EML5: variants seen among roughly 807,000 people sequenced by gnomAD.
EML5 encodes echinoderm microtubule-associated protein-like 5.
Under a neutral mutation model 250.0 loss-of-function variants are expected in EML5, and 120 were observed. The ratio of observed to expected loss-of-function variants is 0.48; its 90% CI spans 0.41 to 0.56. The LOEUF is 0.56. Ranked by LOEUF, EML5 falls within the 20% of genes least tolerant of loss-of-function variation. The pLI, the probability that EML5 is intolerant of heterozygous loss-of-function variation, is 0.00. For missense variants in EML5, 2,006 were observed against 2,437.6 expected (o/e 0.82, Z 3.73); for synonymous variants, 771 against 806.5 (o/e 0.96, Z 0.75).
chr14:88,630,032 T>G (rs2090345066), intron 33 of EML5, among the ~76,000 whole-genome samples: 1 of 145,154 alleles, frequency 6.9e-6, no homozygotes, highest in South Asian at 2.3e-4. Flanking sequence ...TATTTTTTTT[T>G]TTTTTTTTTT....
At chr14:88,680,281 C>T (rs1287215510) in intron 21 of EML5, among the ~76,000 whole-genome samples, 4 of 152,036 alleles carry the variant, frequency 2.6e-5, no homozygotes, top group Non-Finnish European at 2.9e-5. Flanking sequence ...AGCATATTGT[C>T]ATTTTCTTCT....
At chr14:88,670,932 T>C (rs920072875) in intron 21 of EML5, among the ~76,000 whole-genome samples, 2 of 151,416 alleles carry the variant, frequency 1.3e-5, no homozygotes, top group Admixed American at 1.3e-4. Context: ...GTAGAAAGAC[T>C]GAACCTATGA....
chr14:88,633,979 TA>T (rs923049433), intron 33 of EML5, among the ~76,000 whole-genome samples: 30 of 152,184 alleles, frequency 2.0e-4, no homozygotes, highest in African/African-American at 6.7e-4. Context: ...TATTCTTCAT[TA>T]AAAAAAATCC....
chr14:88,658,711 T>C (rs2091959940), intron 25 of EML5, among the ~76,000 whole-genome samples: 1 of 152,182 alleles, frequency 6.6e-6, no homozygotes. Context: ...GGATCTATGC[T>C]AAGAAATGCT....
intron 9 of EML5, among the ~76,000 whole-genome samples, chr14:88,714,714 C>A (rs1054384398): frequency 6.6e-6 from 1 of 151,782 alleles, no homozygotes; most frequent in African/African-American, 2.4e-5. Flanking sequence ...AGAAAAAACC[C>A]AAAAGGATTT....
chr14:88,697,812 C>T (rs956647810), intron 14 of EML5, among the ~76,000 whole-genome samples: 8 of 151,948 alleles, frequency 5.3e-5, no homozygotes, highest in African/African-American at 1.9e-4. Context: ...CTCGGCTCAC[C>T]GCAACCTCCA....
intron 10 of EML5, among the ~76,000 whole-genome samples, chr14:88,707,180 G>A (rs2093331760): frequency 6.6e-6 from 1 of 151,996 alleles, no homozygotes; most frequent in Non-Finnish European, 1.5e-5. Flanking sequence ...ATTTGGCTAT[G>A]GTGGTATACA....
intron 4 of EML5, among the ~76,000 whole-genome samples, chr14:88,741,651 A>T (rs2093926783): frequency 6.6e-6 from 1 of 152,028 alleles, no homozygotes; most frequent in Non-Finnish European, 1.5e-5. Context: ...GGCTACAGTG[A>T]GCTATAAATC....
In EML5 at chr14:88,627,010, C is replaced by T. The variant is rs1181034990; in HGVS notation, c.4568G>A (p.Arg1523His). The T allele has an allele frequency of 1.7e-5, 28 of 1,613,834 alleles. No individual in the cohort carries two copies. Among genetic ancestry groups the T allele is most frequent in the Non-Finnish European group, 2.2e-5 (26 of 1,179,856 alleles). The change falls in exon 35 of 44, where the codon CGT (arginine) becomes CAT (histidine). Residue 1523 changes from arginine (R) to histidine (H), a missense_variant. Physicochemically the swap from Arg to His is conservative, Grantham distance 29 (BLOSUM62 0). Coordinates refer to ENST00000554922, the MANE Select transcript of EML5 (RefSeq NM_183387.3). ...TGGTCGGAATTCTGCCACAAAAATACGTTGATTGTGACCAGCTCTGCTGGC... is the reference window on the plus strand; with the variant it reads ...TGGTCGGAATTCTGCCACAAAAATATGTTGATTGTGACCAGCTCTGCTGGC... ...KIASRAGHNQ[R>H]IFVAEFRPDS...
chr14:88,775,384 T>C lies in EML5; in HGVS notation c.197+16923A>G, dbSNP rs530035276. Among the ~76,000 whole-genome samples, 74 of 148,808 alleles carry C rather than the reference T, an allele frequency of 5.0e-4. 1 individual carries two copies. Among genetic ancestry groups the C allele is most frequent in the African/African-American group, 1.6e-3 (66 of 40,320 alleles). ...CTGCCCTGGGGCAGAAGGGAGCCCA[T>C]TGCCCTGAAAAGTGAGTCCCAGACC... On this transcript the variant is annotated intron_variant, in intron 1 of 43. Transcript: ENST00000554922.
intron 1 of EML5, among the ~76,000 whole-genome samples, chr14:88,770,404 G>A (rs2094378196): frequency 6.6e-6 from 1 of 152,034 alleles, no homozygotes; most frequent in Admixed American, 6.6e-5. Context: ...TGAGGTATAT[G>A]CTGGGGTTCA....
Position 88,620,559 on chromosome 14 carries a change from G to T in EML5, c.5375+195C>A. 2.2e-6 allele frequency: 1 copy of T among 448,630 alleles called. No homozygotes were observed. Among genetic ancestry groups the T allele is most frequent in the Non-Finnish European group, 3.8e-6 (1 of 260,394 alleles). The allele number at this position is 448,630 out of a possible 1,614,324, so 27.8% of individuals were successfully genotyped here. On this transcript the variant is annotated intron_variant, in intron 39 of 43. Coordinates refer to ENST00000554922, the MANE Select transcript of EML5 (RefSeq NM_183387.3). This position sits in a 1 kb window ranked among gnomAD's most constrained non-coding sequence, Gnocchi z 4.3. ...CCTACTAGTACTTGCTATTATAGTT[G>T]GTGCCCAGTGGGTTTATAATTTAGC...
At chr14:88,632,667 CTGGGCTAGCTCT>C (rs772980115) in intron 33 of EML5, among the ~76,000 whole-genome samples, 20 of 152,240 alleles carry the variant, frequency 1.3e-4, no homozygotes, top group Non-Finnish European at 2.1e-4. Flanking sequence ...GGCCTGCTTG[CTGGGCTAGCTCT>C]TGGCCAGTGT....
At chr14:88,744,162 C>A in intron 3 of EML5, 71 bp from the exon 4 acceptor site, 1 of 1,017,106 alleles carries the variant, frequency 9.8e-7, no homozygotes, top group Non-Finnish European at 1.4e-6. Flanking sequence ...TCCAAAAGAC[C>A]AAATGGCCCA....
At chr14:88,716,424 A>C (rs2093494802) in intron 8 of EML5, among the ~76,000 whole-genome samples, 1 of 152,128 alleles carries the variant, frequency 6.6e-6, no homozygotes, top group African/African-American at 2.4e-5. Flanking sequence ...AGTTAACATT[A>C]AATCCATATA....
At chr14:88,789,747 A>T (rs1013465852) in intron 1 of EML5, among the ~76,000 whole-genome samples, 1 of 151,936 alleles carries the variant, frequency 6.6e-6, no homozygotes, top group Non-Finnish European at 1.5e-5. Context: ...AAGAACCAGT[A>T]AGCAAATGAT....
chr14:88,653,637 G>A (rs955314907), intron 27 of EML5, among the ~76,000 whole-genome samples: 1 of 152,136 alleles, frequency 6.6e-6, no homozygotes, highest in Non-Finnish European at 1.5e-5. Context: ...TGCATCCCAG[G>A]GATGAAGCCG....
intron 8 of EML5, among the ~76,000 whole-genome samples, chr14:88,720,335 A>G (rs2093570715): frequency 6.6e-6 from 1 of 152,156 alleles, no homozygotes; most frequent in Non-Finnish European, 1.5e-5. Context: ...ACCAACAAAA[A>G]ACTTCAGGCC....
At chr14:88,773,364 A>T (rs1193972818) in intron 1 of EML5, among the ~76,000 whole-genome samples, 1 of 152,266 alleles carries the variant, frequency 6.6e-6, no homozygotes, top group African/African-American at 2.4e-5. Context: ...TTTGCTTGGT[A>T]ATAAATCTCC....
Sources: gnomAD v4.1 joint callset for allele counts (sites outside exome capture counted in the v4.1 genomes callset) on GRCh38, gnomAD v4.1.1 for gene constraint, Gnocchi (gnomAD v3.1) non-coding constraint, MANE v1.5 for transcripts, NCBI Gene and HGNC (gene_info 2026-07-23, HGNC 2026-07-21) for gene names.